AFG3L2: variants seen among roughly 807,000 people sequenced by gnomAD.
AFG3L2 encodes mitochondrial inner membrane m-AAA protease component AFG3L2.
AFG3L2 carries 54 observed loss-of-function variants against 94.5 expected under a neutral mutation model. The ratio of observed to expected loss-of-function variants is 0.57; its 90% confidence interval spans 0.46 to 0.72. The LOEUF (loss-of-function observed/expected upper bound fraction) is 0.72, where lower values mean the gene tolerates loss of function less well. Ranked by LOEUF, AFG3L2 falls within the 30% of genes least tolerant of loss-of-function variation. The probability of loss-of-function intolerance (pLI) is 0.00; values close to 1 mark genes in which losing one functional copy is unlikely to be tolerated. For missense variants in AFG3L2, 754 were observed against 994.9 expected, an observed-to-expected ratio of 0.76 and a Z score of 3.26; for synonymous variants, 377 against 365.5, an observed-to-expected ratio of 1.03 and a Z score of -0.36.
chr18:12,373,150 G>A (rs1310366345), intron 1 of AFG3L2, among the ~76,000 whole-genome samples: 1 of 152,228 alleles, frequency 6.6e-6, no homozygotes, highest in Non-Finnish European at 1.5e-5. Flanking sequence ...GTTTTTGTCT[G>A]AGTGCAATAC....
In AFG3L2 at chr18:12,353,082, C is replaced by T. The variant is rs1445430197; in HGVS notation, c.1241G>A (p.Arg414Lys). ...TCCAAAGTTGCCTCTTCCTCTCTTC[C>T]TTCCCACCGCATCGATTTCATCGAT... is the stretch of plus-strand genomic sequence containing the variant. ...LFIDEIDAVG[R>K]KRGRGNFGGQ... The change falls in exon 10 of 17, where the codon AGG (arginine) becomes AAG (lysine). Residue 414 changes from arginine (R) to lysine (K), a missense_variant. Coordinates refer to ENST00000269143, the MANE Select transcript of AFG3L2 (RefSeq NM_006796.3). The T allele has an allele frequency of 6.2e-7, 1 of 1,614,198 alleles. No individual in the cohort carries two copies. Among genetic ancestry groups the T allele is most frequent in the South Asian group, 1.1e-5 (1 of 91,084 alleles).
At chr18:12,339,802 T>C (rs910844573) in intron 15 of AFG3L2, among the ~76,000 whole-genome samples, 12 of 146,926 alleles carry the variant, frequency 8.2e-5, no homozygotes, top group East Asian at 6.1e-4. Flanking sequence ...TGAGCCGAGA[T>C]TGCACCACTG....
chr18:12,354,763 G>A (rs1400555210), intron 9 of AFG3L2, among the ~76,000 whole-genome samples: 3 of 151,342 alleles, frequency 2.0e-5, no homozygotes, highest in African/African-American at 7.3e-5. Context: ...AACCCACCAG[G>A]CCCACCCTTC....
intron 6 of AFG3L2, 145 bp from the exon 7 acceptor site, chr18:12,360,196 A>G: frequency 1.3e-6 from 1 of 782,206 alleles, no homozygotes; most frequent in East Asian, 2.7e-5. Context: ...GACTGGCTTT[A>G]ATAATGGTGG....
chr18:12,333,213 A>G (rs1278281056), intron 16 of AFG3L2, among the ~76,000 whole-genome samples: 1 of 122,086 alleles, frequency 8.2e-6, no homozygotes, highest in Non-Finnish European at 1.6e-5. Flanking sequence ...TCTAATATAT[A>G]ATCTATTATA....
chr18:12,333,706 G>A (rs988177966), intron 16 of AFG3L2, among the ~76,000 whole-genome samples: 7 of 152,126 alleles, frequency 4.6e-5, no homozygotes, highest in Admixed American at 3.9e-4. Flanking sequence ...ACATGATTGA[G>A]GTTTTTTTAC....
At chr18:12,373,571 C>T (rs1909055290) in intron 1 of AFG3L2, among the ~76,000 whole-genome samples, 1 of 152,096 alleles carries the variant, frequency 6.6e-6, no homozygotes, top group South Asian at 2.1e-4. Flanking sequence ...CTTTCTGTTC[C>T]GCTATAACAG....
chr18:12,369,691 G>C (rs1908917246), intron 3 of AFG3L2, among the ~76,000 whole-genome samples: 1 of 150,330 alleles, frequency 6.7e-6, no homozygotes, highest in South Asian at 2.1e-4. Context: ...ACTCCAGCCT[G>C]GGCGACAGAG....
At chr18:12,333,231 A>G (rs1171248322) in intron 16 of AFG3L2, among the ~76,000 whole-genome samples, 1 of 125,174 alleles carries the variant, frequency 8.0e-6, no homozygotes, top group Non-Finnish European at 1.6e-5. Context: ...ATATAAATAT[A>G]TGATATATAA....
At chr18:12,331,095 T>C (rs2143080008) in intron 16 of AFG3L2, among the ~76,000 whole-genome samples, 1 of 152,334 alleles carries the variant, frequency 6.6e-6, no homozygotes, top group Non-Finnish European at 1.5e-5. Context: ...CGTAAGATTA[T>C]AATACCTTAT....
intron 14 of AFG3L2, chr18:12,343,099 C>T (rs898290459): frequency 6.6e-6 from 1 of 152,030 alleles, no homozygotes; most frequent in African/African-American, 2.4e-5. Context: ...GAGCAAAGTC[C>T]ACCTCTATTT....
intron 5 of AFG3L2, among the ~76,000 whole-genome samples, chr18:12,364,289 A>G (rs1568144483): frequency 6.6e-6 from 1 of 152,342 alleles, no homozygotes; most frequent in East Asian, 1.9e-4. Flanking sequence ...CACCCAAGGT[A>G]CTGATCCATC....
chr18:12,331,432 G>A (rs1436091861), intron 16 of AFG3L2, among the ~76,000 whole-genome samples: 3 of 152,158 alleles, frequency 2.0e-5, no homozygotes, highest in Admixed American at 6.5e-5. Context: ...AGGGCTGCCC[G>A]ATTCCCAAAC....
chr18:12,346,834 G>A (rs1217879228), intron 13 of AFG3L2, among the ~76,000 whole-genome samples: 2 of 145,988 alleles, frequency 1.4e-5, no homozygotes, highest in Middle Eastern at 3.8e-3. Context: ...AACTCGGAAG[G>A]TGGAGGTTGC....
chr18:12,374,110 T>C (rs546367366), intron 1 of AFG3L2, among the ~76,000 whole-genome samples: 2 of 152,216 alleles, frequency 1.3e-5, no homozygotes, highest in African/African-American at 4.8e-5. Context: ...TGTGTTGACA[T>C]GGAATATCCC....
In AFG3L2 at chr18:12,363,850, T is replaced by G; in HGVS notation, c.559A>C (p.Arg187=). The stretch of plus-strand genomic sequence containing the variant: ...AAACGCTTGTTGACGACTTCCAATC[T>G]GTCTACCTAGAATTTTAAAAATAAA... The part of the protein sequence containing the change: ...NNYLSKGVVD[R]LEVVNKRFVR... Residue 187 remains arginine, a synonymous_variant, in exon 6 of 17, where the codon AGA becomes CGA. Transcript: ENST00000269143. 1 of 1,612,120 alleles carries G rather than the reference T, an allele frequency of 6.2e-7. No individual in the cohort carries two copies. The highest frequency in any genetic ancestry group is 8.5e-7 in the Non-Finnish European group (1 of 1,178,654).
At chr18:12,358,410 G>A (rs1325293847) in intron 8 of AFG3L2, among the ~76,000 whole-genome samples, 1 of 152,204 alleles carries the variant, frequency 6.6e-6, no homozygotes, top group African/African-American at 2.4e-5. Context: ...AATCAGATTG[G>A]AGGGAAAAGG....
intron 13 of AFG3L2, among the ~76,000 whole-genome samples, chr18:12,346,326 AC>A (rs1307674896): frequency 2.0e-5 from 3 of 151,870 alleles, no homozygotes; most frequent in Non-Finnish European, 4.4e-5. Flanking sequence ...ATCTCACTCC[AC>A]CTGGCACACC....
chr18:12,347,801 G>A (rs182312388), intron 13 of AFG3L2, among the ~76,000 whole-genome samples: 57 of 152,136 alleles, frequency 3.7e-4, no homozygotes, highest in Non-Finnish European at 7.1e-4. Context: ...TGCCTGCCTC[G>A]GCCTCCCAAA....
Sources: allele counts gnomAD v4.1 joint callset (sites outside exome capture counted in the v4.1 genomes callset), GRCh38; gene constraint gnomAD v4.1.1; transcripts MANE v1.5; gene names NCBI Gene and HGNC (gene_info 2026-07-23, HGNC 2026-07-21).